TFPI: variants seen among roughly 807,000 people sequenced by gnomAD.
TFPI encodes the protein tissue factor pathway inhibitor.
In TFPI, 15 loss-of-function variants were observed where a neutral mutation model predicts 34.6. The observed-to-expected ratio is 0.43, with a 90% CI of 0.29 to 0.67. TFPI has a LOEUF of 0.67. Ranked by LOEUF, TFPI falls within the 30% of genes least tolerant of loss-of-function variation. The pLI is 0.15. For missense variants in TFPI, 301 were observed against 364.0 expected (o/e 0.83, Z 1.41); for synonymous variants, 105 against 120.1 (o/e 0.87, Z 0.82).
rs553016610 is a variant in TFPI, at chr2:187,495,669, G to A, written c.319+1212C>T. Among the ~76,000 whole-genome samples the A allele has an allele frequency of 2.0e-5, 3 of 152,224 alleles. No individual in the cohort carries two copies. In the South Asian group the frequency reaches 6.2e-4, roughly 32 times the overall value. On this transcript the variant is annotated intron_variant, in intron 3 of 7. Transcript: ENST00000233156. Reference sequence around the variant, plus strand: ...TCACCACATGGAAGTTTTCCCACAGGCCAAGAGCACCATGATGCCAAGGCT... The same window carrying A: ...TCACCACATGGAAGTTTTCCCACAGACCAAGAGCACCATGATGCCAAGGCT...
At chr2:187,491,340 T>C (rs2106051685) in intron 3 of TFPI, among the ~76,000 whole-genome samples, 1 of 152,082 alleles carries the variant, frequency 6.6e-6, no homozygotes, top group East Asian at 1.9e-4. Context: ...CATTCCCCAG[T>C]TCCCTTTCAT....
rs200584967 is a variant in TFPI, at chr2:187,467,960, G to A, written c.629-28C>T. The A allele has an allele frequency of 5.2e-6, 8 of 1,532,230 alleles. No individual in the cohort carries two copies. The Admixed American group carries it at 6.4e-5, about 12-fold the overall frequency. 94.9% of individuals were successfully genotyped at this position (1,532,230 alleles called of 1,614,324 possible). ...AAAAACAATCAGGAAAACATGGTAA[G>A]CCATATGTGATAGTGGATTTCAGGT... On this transcript the variant is annotated intron_variant, in intron 6 of 7. Transcript: ENST00000233156.
At chr2:187,533,675 A>G (rs1031307859) in intron 1 of TFPI, among the ~76,000 whole-genome samples, 1 of 152,080 alleles carries the variant, frequency 6.6e-6, no homozygotes, top group Non-Finnish European at 1.5e-5. Context: ...AAGGATCACA[A>G]CTCCTTGCCA....
chr2:187,501,449 T>C (rs924693692), intron 2 of TFPI, among the ~76,000 whole-genome samples: 14 of 152,138 alleles, frequency 9.2e-5, no homozygotes, highest in Admixed American at 5.2e-4. Context: ...CATCTAAGAA[T>C]CCACATGCTG....
chr2:187,528,489 A>C (rs1233013066), intron 1 of TFPI, among the ~76,000 whole-genome samples: 1 of 152,200 alleles, frequency 6.6e-6, no homozygotes, highest in African/African-American at 2.4e-5. Context: ...CCTCCTTTCA[A>C]ACATGTTATT....
intron 1 of TFPI, chr2:187,547,277 T>G (rs1314731273): frequency 6.6e-6 from 1 of 152,236 alleles, no homozygotes; most frequent in African/African-American, 2.4e-5. Context: ...GTTTCAGATT[T>G]ATGATGAATT....
chr2:187,533,799 A>G (rs928931510), intron 1 of TFPI, among the ~76,000 whole-genome samples: 4 of 152,234 alleles, frequency 2.6e-5, no homozygotes, highest in Admixed American at 2.0e-4. Flanking sequence ...AACCCAATGC[A>G]AGGAAGCTAA....
intron 3 of TFPI, among the ~76,000 whole-genome samples, chr2:187,494,713 C>T (rs138971219): frequency 1.3e-5 from 2 of 152,072 alleles, no homozygotes; most frequent in South Asian, 4.1e-4. Context: ...GACATTCATA[C>T]AATAATTGCA....
intron 1 of TFPI, 81 bp downstream of exon 1, chr2:187,554,119 C>G (rs527382165): frequency 1.3e-5 from 2 of 152,058 alleles, no homozygotes; most frequent in African/African-American, 4.8e-5. Context: ...TTCTTTGCCT[C>G]TCAGCACCCT....
rs182772899 is a variant in TFPI, at chr2:187,503,587, T to G, written c.121+61A>C. ...CCACAATGGAAAACTATGGTAGATT[T>G]TTTAGATTAAAATTGAGAGCTTTAA... On this transcript the variant is annotated intron_variant, in intron 2 of 7. Coordinates refer to ENST00000233156, the MANE Select transcript of TFPI (RefSeq NM_006287.6). 4.2e-4 allele frequency: 662 copies of G among 1,564,968 alleles called. 5 individuals are homozygous for G. In the African/African-American group the frequency reaches 7.7e-3, roughly 18 times the overall value.
At chr2:187,545,787 T>G (rs1250898023) in intron 1 of TFPI, among the ~76,000 whole-genome samples, 1 of 152,154 alleles carries the variant, frequency 6.6e-6, no homozygotes, top group Non-Finnish European at 1.5e-5. Flanking sequence ...AAACAAATTT[T>G]TATGTAATGT....
chr2:187,553,276 C>G (rs923773551), intron 1 of TFPI, among the ~76,000 whole-genome samples: 1 of 151,910 alleles, frequency 6.6e-6, no homozygotes, highest in Non-Finnish European at 1.5e-5. Context: ...TTGAGTTTTG[C>G]CCTTTGTGTT....
chr2:187,535,325 C>G (rs886080682), intron 1 of TFPI, among the ~76,000 whole-genome samples: 2 of 152,026 alleles, frequency 1.3e-5, no homozygotes, highest in Non-Finnish European at 1.5e-5. Context: ...TAAAATTGAC[C>G]GCATAATTGG....
intron 7 of TFPI, 120 bp from the exon 8 acceptor site, chr2:187,467,162 G>T: frequency 3.0e-6 from 2 of 662,748 alleles, no homozygotes; most frequent in Non-Finnish European, 4.8e-6. Flanking sequence ...TGATTTAAAA[G>T]CCTTTAATTT....
In TFPI at chr2:187,500,363, A is replaced by G. The variant is rs560759760; in HGVS notation, c.121+3285T>C. 2.0e-5 allele frequency among the ~76,000 whole-genome samples: 3 copies of G among 152,310 alleles called. No homozygotes were observed. The South Asian group carries it at 6.2e-4, about 32-fold the overall frequency. On this transcript the variant is annotated intron_variant, in intron 2 of 7. Transcript: ENST00000233156. ...TAAATAACTTAAATTCATACCATAA[A>G]TGATGGGTTTAAAATTGATCCTCAT...
intron 2 of TFPI, among the ~76,000 whole-genome samples, chr2:187,502,144 T>C (rs1685891286): frequency 6.6e-6 from 1 of 152,210 alleles, no homozygotes; most frequent in Non-Finnish European, 1.5e-5. Flanking sequence ...TCTTTAAGTC[T>C]AGCTTAAATA....
chr2:187,511,189 A>C (rs1354680183), intron 1 of TFPI, among the ~76,000 whole-genome samples: 1 of 152,166 alleles, frequency 6.6e-6, no homozygotes, highest in East Asian at 1.9e-4. Flanking sequence ...AAGAACTGGC[A>C]CTTGCAGTCT....
chr2:187,493,335 C>T (rs8176474), intron 3 of TFPI, among the ~76,000 whole-genome samples: 6,993 of 152,084 alleles, frequency 0.046, 459 homozygotes, highest in African/African-American at 0.15. Context: ...ACACAGGGCA[C>T]GAAGTCCCTA....
chr2:187,548,984 T>C (rs1688998035), intron 1 of TFPI, among the ~76,000 whole-genome samples: 1 of 152,144 alleles, frequency 6.6e-6, no homozygotes, highest in Non-Finnish European at 1.5e-5. Context: ...CAGATATCTC[T>C]TTAAAAATGC....
Sources: allele counts gnomAD v4.1 joint callset (sites outside exome capture counted in the v4.1 genomes callset), GRCh38; gene constraint gnomAD v4.1.1; transcripts MANE v1.5; gene names NCBI Gene and HGNC (gene_info 2026-07-23, HGNC 2026-07-21).